RAPGEF5: variants seen among roughly 807,000 people sequenced by gnomAD.
RAPGEF5 encodes the protein Rap guanine nucleotide exchange factor 5.
Under a neutral mutation model 125.2 loss-of-function variants are expected in RAPGEF5, and 65 were observed. The observed-to-expected ratio is 0.52, with a 90% CI of 0.43 to 0.64. RAPGEF5 has a LOEUF of 0.64. Ranked by LOEUF, RAPGEF5 falls within the 30% of genes least tolerant of loss-of-function variation. The pLI, the probability that RAPGEF5 is intolerant of heterozygous loss-of-function variation, is 0.00. For missense variants in RAPGEF5, 958 were observed against 1,048.1 expected, an observed-to-expected ratio of 0.91 and a Z score of 1.19; for synonymous variants, 391 against 385.9, an observed-to-expected ratio of 1.01 and a Z score of -0.16.
chr7:22,129,631 C>T (rs1782853179), intron 24 of RAPGEF5, among the ~76,000 whole-genome samples: 1 of 152,166 alleles, frequency 6.6e-6, no homozygotes, highest in Admixed American at 6.5e-5. Context: ...AAAAAAATAA[C>T]ACTTTATCCA....
intron 7 of RAPGEF5, among the ~76,000 whole-genome samples, chr7:22,254,029 T>C (rs989765535): frequency 3.3e-5 from 5 of 152,188 alleles, no homozygotes; most frequent in Non-Finnish European, 7.3e-5. Flanking sequence ...TTAAAAATAT[T>C]CTATCATCAA....
chr7:22,290,481 C>T (rs1782904119), intron 6 of RAPGEF5, among the ~76,000 whole-genome samples: 1 of 152,188 alleles, frequency 6.6e-6, no homozygotes, highest in Admixed American at 6.5e-5. Context: ...CGCGGTGGCT[C>T]ACGCCTGTAA....
intron 12 of RAPGEF5, among the ~76,000 whole-genome samples, 168 bp downstream of exon 12, chr7:22,166,902 C>G (rs901849972): frequency 3.9e-5 from 6 of 152,170 alleles, no homozygotes; most frequent in African/African-American, 1.4e-4. Flanking sequence ...TTCCAGTTTC[C>G]CCTGTCTGTC....
intron 1 of RAPGEF5, among the ~76,000 whole-genome samples, chr7:22,333,591 G>A (rs73071288): frequency 0.071 from 10,750 of 152,098 alleles, 474 homozygotes; most frequent in Admixed American, 0.11. Context: ...TTAAAAAGAG[G>A]GGGACCTCTA....
chr7:22,269,091 C>T (rs775068363), intron 6 of RAPGEF5, among the ~76,000 whole-genome samples: 1 of 150,604 alleles, frequency 6.6e-6, no homozygotes, highest in Non-Finnish European at 1.5e-5. Flanking sequence ...TCAACTGAAC[C>T]TCTGCCATGG....
intron 1 of RAPGEF5, 85 bp downstream of exon 1, chr7:22,356,745 A>T: frequency 1.4e-6 from 1 of 707,616 alleles, no homozygotes; most frequent in Non-Finnish European, 1.8e-6. Flanking sequence ...CAACTTCCAG[A>T]CGCCCCCCTC....
chr7:22,268,690 T>A (rs1390024386), intron 6 of RAPGEF5, among the ~76,000 whole-genome samples: 2 of 152,100 alleles, frequency 1.3e-5, no homozygotes, highest in Non-Finnish European at 2.9e-5. Context: ...AGATGGAAAA[T>A]CATGCACGAG....
intron 7 of RAPGEF5, among the ~76,000 whole-genome samples, chr7:22,252,002 C>A (rs1786635449): frequency 6.6e-6 from 1 of 152,084 alleles, no homozygotes; most frequent in Non-Finnish European, 1.5e-5. Flanking sequence ...TCATTATGCT[C>A]ATCTAGTTTC....
chr7:22,170,773 A>C (rs1013491977), intron 11 of RAPGEF5, among the ~76,000 whole-genome samples: 2 of 152,194 alleles, frequency 1.3e-5, no homozygotes, highest in East Asian at 3.8e-4. Context: ...TTTTCTCCTA[A>C]GCCAATATCA....
chr7:22,226,964 T>C (rs915157627), intron 8 of RAPGEF5, among the ~76,000 whole-genome samples: 1 of 152,140 alleles, frequency 6.6e-6, no homozygotes, highest in Non-Finnish European at 1.5e-5. Context: ...AGTACTTTCT[T>C]AATCTTTTGT....
At chr7:22,356,619 G>A (rs1252554450) in intron 1 of RAPGEF5, 3 of 206,894 alleles carry the variant, frequency 1.5e-5, no homozygotes, top group East Asian at 1.0e-4. Context: ...AGCCTGGTGG[G>A]GGGGAGGTGT....
At chr7:22,246,308 T>G (rs545969529) in intron 7 of RAPGEF5, among the ~76,000 whole-genome samples, 16 of 152,232 alleles carry the variant, frequency 1.1e-4, no homozygotes, top group South Asian at 6.2e-4. Flanking sequence ...GAAGCCATCA[T>G]ATTCACTGAC....
chr7:22,324,853 T>C (rs1783782500), intron 1 of RAPGEF5, among the ~76,000 whole-genome samples: 1 of 152,108 alleles, frequency 6.6e-6, no homozygotes. Flanking sequence ...ACAACAAACA[T>C]ATATTTGTAA....
intron 7 of RAPGEF5, among the ~76,000 whole-genome samples, chr7:22,266,221 T>A (rs1052454483): frequency 6.6e-6 from 1 of 152,178 alleles, no homozygotes; most frequent in Non-Finnish European, 1.5e-5. Context: ...TGAAACGTCT[T>A]ATTCTAGTTT....
At chr7:22,139,153 G>C (rs1299117540) in intron 21 of RAPGEF5, among the ~76,000 whole-genome samples, 7 of 152,130 alleles carry the variant, frequency 4.6e-5, no homozygotes, top group Non-Finnish European at 4.4e-5. Context: ...TTCTCTTGTA[G>C]GAGTTTGAGT....
At chr7:22,214,866 A>C (rs1785597740) in intron 9 of RAPGEF5, among the ~76,000 whole-genome samples, 1 of 152,128 alleles carries the variant, frequency 6.6e-6, no homozygotes, top group Non-Finnish European at 1.5e-5. Context: ...AGGCAATCAG[A>C]CTTGAATTCA....
intron 1 of RAPGEF5, chr7:22,356,393 G>T: frequency 3.8e-6 from 1 of 260,440 alleles, no homozygotes; most frequent in Non-Finnish European, 6.0e-6. Context: ...CCCAGAGCTT[G>T]CAACAGCACC....
At chr7:22,220,201 A>G in intron 8 of RAPGEF5, 1 of 562,362 alleles carries the variant, frequency 1.8e-6, no homozygotes, top group Non-Finnish European at 3.1e-6. Flanking sequence ...GAGTCTGCGT[A>G]TCACCCTACT....
At chr7:22,209,956 A>G (rs1445995147) in intron 9 of RAPGEF5, among the ~76,000 whole-genome samples, 1 of 152,242 alleles carries the variant, frequency 6.6e-6, no homozygotes, top group East Asian at 1.9e-4. Flanking sequence ...GAAATGTTTT[A>G]ACATTTTCTT....
Sources: allele counts gnomAD v4.1 joint callset (sites outside exome capture counted in the v4.1 genomes callset), GRCh38; gene constraint gnomAD v4.1.1; transcripts MANE v1.5; gene names NCBI Gene and HGNC (gene_info 2026-07-23, HGNC 2026-07-21).